Variants in RPS6KB2 observed in about 807,000 individuals in gnomAD.
RPS6KB2 encodes ribosomal protein S6 kinase beta-2.
A neutral mutation model predicts 58.2 loss-of-function variants in RPS6KB2; 51 were observed. That is an observed-to-expected ratio of 0.88 (90% CI 0.70 to 1.11). The LOEUF (loss-of-function observed/expected upper bound fraction) is 1.11. Ranked by LOEUF, RPS6KB2 falls within the 50% of genes least tolerant of loss-of-function variation. The probability of loss-of-function intolerance (pLI) is 0.00; values close to 1 mark genes in which losing one functional copy is unlikely to be tolerated. For synonymous variants in RPS6KB2, 293 were observed against 258.6 expected (o/e 1.13, Z -1.28); for missense variants, 671 against 655.8 (o/e 1.02, Z -0.25).
At position 67,432,855 on chromosome 11, in the gene RPS6KB2, GGCA is replaced by G; in HGVS notation, c.616+21_616+23del. 6.2e-7 allele frequency: 1 copy of G among 1,611,876 alleles called. No homozygotes were observed. The highest frequency in any genetic ancestry group is 8.5e-7 in the Non-Finnish European group (1 of 1,178,498). On this transcript the variant is annotated intron_variant, in intron 7 of 14. Coordinates refer to ENST00000312629, the MANE Select transcript of RPS6KB2 (RefSeq NM_003952.3). ...CAGCCAGGGTGCGCATGTGTGTGCG[GGCA>G]GCTGCAGGCGGGGTCTGCAATCTGT...
At chr11:67,434,323 G>A (rs747567398) in intron 12 of RPS6KB2, 48 bp downstream of exon 12, 2 of 1,610,462 alleles carry the variant, frequency 1.2e-6, no homozygotes, top group Admixed American at 1.7e-5. Context: ...GTGGCAAGTG[G>A]AGAACCTGCA....
At chr11:67,432,165 C>T in intron 5 of RPS6KB2, 1 of 381,912 alleles carries the variant, frequency 2.6e-6, no homozygotes. Context: ...TGCCTCCATG[C>T]TCTGCATTCG....
intron 4 of RPS6KB2, chr11:67,429,903 TC>T (rs1434158737): frequency 3.8e-6 from 1 of 265,964 alleles, no homozygotes; most frequent in Admixed American, 5.1e-5. Context: ...CACCTCTGTC[TC>T]CCAGGTTCAA....
rs752440186 is a variant in RPS6KB2, at chr11:67,434,274, T to G, written c.1046T>G (p.Leu349Arg). 5.0e-6 allele frequency: 8 copies of G among 1,613,272 alleles called. No individual in the cohort carries two copies. The highest frequency in any genetic ancestry group is 6.8e-6 in the Non-Finnish European group (8 of 1,179,934). Residue 349 changes from leucine (L) to arginine (R), a missense_variant and splice_region_variant, in exon 12 of 15, where the codon CTG becomes CGG. Leu to Arg is a moderately radical substitution (Grantham distance 102, BLOSUM62 -2). Coordinates refer to ENST00000312629, the MANE Select transcript of RPS6KB2 (RefSeq NM_003952.3). ...WRVDPPFRPC[L>R]QSEEDVSQFD... Reference sequence around the variant, plus strand: ...GTGGACCCCCCTTTCAGGCCCTGTCTGGTGAGCAGCAGGGCTGGTGGCCAG... The same window carrying G: ...GTGGACCCCCCTTTCAGGCCCTGTCGGGTGAGCAGCAGGGCTGGTGGCCAG...
At position 67,434,689 on chromosome 11, in the gene RPS6KB2, C is replaced by G. The variant is rs566682687; in HGVS notation, c.1263C>G (p.Pro421=). Residue 421 remains proline (P), a synonymous_variant, in exon 14 of 15, where the codon CCC becomes CCG. Transcript: ENST00000312629. The part of the protein sequence containing the change: ...PRRLNSSPRA[P]VSPLKFSPFE... ...GCCTCAACAGTAGCCCCCGGGCCCC[C>G]GTCAGGTACTGAGGGACGTGGGGGT... is the stretch of plus-strand genomic sequence containing the variant. The G allele has an allele frequency of 3.1e-6, 5 of 1,602,900 alleles. No individual in the cohort carries two copies. Among genetic ancestry groups the G allele is most frequent in the Non-Finnish European group, 4.3e-6 (5 of 1,175,286 alleles).
At chr11:67,431,809 CT>C in intron 5 of RPS6KB2, 1 of 373,716 alleles carries the variant, frequency 2.7e-6, no homozygotes, top group Non-Finnish European at 5.0e-6. Context: ...ACTCCCCTCC[CT>C]GTCTTGTTCT....
At chr11:67,434,784 T>C (rs1419683447) in intron 14 of RPS6KB2, 90 bp downstream of exon 14, 2 of 1,131,308 alleles carry the variant, frequency 1.8e-6, no homozygotes. Context: ...GCCACGTCTG[T>C]CGGCCAGTGT....
chr11:67,429,357 G>A (rs1199232330), intron 3 of RPS6KB2, 117 bp downstream of exon 3: 2 of 1,479,670 alleles, frequency 1.4e-6, no homozygotes, highest in African/African-American at 1.4e-5. Context: ...TTCAGAGCCA[G>A]AAACATAAAG....
chr11:67,434,745 G>A, intron 14 of RPS6KB2, 51 bp downstream of exon 14: 2 of 1,421,680 alleles, frequency 1.4e-6, no homozygotes, highest in Non-Finnish European at 1.9e-6. Flanking sequence ...CTGGCAGGCA[G>A]GATGCCAGCT....
intron 5 of RPS6KB2, 186 bp downstream of exon 5, chr11:67,431,701 G>A: frequency 3.4e-6 from 2 of 594,646 alleles, no homozygotes; most frequent in Non-Finnish European, 6.0e-6. Context: ...TTCAGCAAAC[G>A]TCTGTCCAGC....
rs1864193060 is a variant in RPS6KB2 at position 67,434,572 on chromosome 11, CG to C, written c.1156-9del. On this transcript the variant is annotated splice_polypyrimidine_tract_variant and intron_variant, in intron 13 of 14. Transcript: ENST00000312629. ...ACTGAGTGTCGCATGGCCCTGCCTC[CG>C]CCCCCCAGGGCTTCACATACGTGGC... 3 of 1,599,100 alleles carry C rather than the reference CG, an allele frequency of 1.9e-6. No homozygotes were observed. Among genetic ancestry groups the C allele is most frequent in the African/African-American group, 1.3e-5 (1 of 74,636 alleles).
Position 67,434,179 on chromosome 11 carries a change from G to C in RPS6KB2, c.970-19G>C. The C allele has an allele frequency of 1.4e-5, 23 of 1,614,008 alleles. No homozygotes were observed. The highest frequency in any genetic ancestry group is 1.9e-5 in the Non-Finnish European group (23 of 1,179,924). On this transcript the variant is annotated intron_variant, in intron 11 of 14. Coordinates refer to ENST00000312629, the MANE Select transcript of RPS6KB2 (RefSeq NM_003952.3). ...GCAGGGTGAGCTGTTAGTGGGTTTGGTGCATTCTCTACCTACAGAGACATC... is the reference window on the plus strand; with the variant it reads ...GCAGGGTGAGCTGTTAGTGGGTTTGCTGCATTCTCTACCTACAGAGACATC...
chr11:67,435,268 G>C lies in RPS6KB2; in HGVS notation c.*99G>C, dbSNP rs1280514659. 1 of 1,128,306 alleles carries C rather than the reference G, an allele frequency of 8.9e-7. No homozygotes were observed. Among genetic ancestry groups the C allele is most frequent in the Non-Finnish European group, 1.2e-6 (1 of 818,098 alleles). The allele number at this position is 1,128,306 out of a possible 1,614,324, so 69.9% of individuals were successfully genotyped here. On this transcript the variant is annotated 3_prime_UTR_variant, in exon 15 of 15. Transcript: ENST00000312629. ...GTTCCAGAGACCTGGGGGTGTGTCT[G>C]GGGGTGGGGTGTGAGTGCGTATGAA...
chr11:67,432,064 G>A (rs1465655068), intron 5 of RPS6KB2: 1 of 339,368 alleles, frequency 2.9e-6, no homozygotes, highest in Non-Finnish European at 5.8e-6. Context: ...CCCACATCAA[G>A]CCTTGCCCCT....
chr11:67,429,874 C>T (rs148015216), intron 4 of RPS6KB2: 215 of 301,384 alleles, frequency 7.1e-4, no homozygotes, highest in African/African-American at 4.0e-3. Flanking sequence ...AGTGCAGTGA[C>T]GCGATTTTGG....
Position 67,433,183 on chromosome 11 carries a change from G to A in RPS6KB2, c.765G>A (p.Leu255=), listed in dbSNP as rs1295356288. The change falls in exon 9 of 15, where the codon CTG becomes CTA. Residue 255 remains leucine (L), a synonymous_variant. Transcript: ENST00000312629. ...GHNRAVDWWS[L]GALMYDMLTG... is the part of the protein sequence containing the mutation. ...ACCGGGCTGTGGACTGGTGGAGCCT[G>A]GGGGCCCTGATGTACGACATGCTCA... The A allele has an allele frequency of 6.2e-7, 1 of 1,605,008 alleles. No individual in the cohort carries two copies. The highest frequency in any genetic ancestry group is 1.3e-5 in the African/African-American group (1 of 74,936).
At chr11:67,434,104 GC>G in intron 11 of RPS6KB2, 47 bp downstream of exon 11, 1 of 1,612,880 alleles carries the variant, frequency 6.2e-7, no homozygotes, top group Non-Finnish European at 8.5e-7. Context: ...CTCCAAGGGT[GC>G]CGGGAATGGG....
In RPS6KB2 at chr11:67,434,054, G is replaced by T. The variant is rs1193528500; in HGVS notation, c.966G>T (p.Val322=). Residue 322 remains valine, a synonymous_variant, in exon 11 of 15, where the codon GTG becomes GTT. Coordinates refer to ENST00000312629, the MANE Select transcript of RPS6KB2 (RefSeq NM_003952.3). ...IGGGPGDAAD[V]QRHPFFRHMN... ...GTGGCCCAGGGGATGCTGCTGATGT[G>T]CAGGTGGGTTTGGGACCACCACCAG... 1.2e-6 allele frequency: 2 copies of T among 1,614,130 alleles called. No individual in the cohort carries two copies. Among genetic ancestry groups the T allele is most frequent in the African/African-American group, 2.7e-5 (2 of 75,066 alleles).
rs1301194107 is a variant in RPS6KB2, at chr11:67,434,059, T to A, written c.969+2T>A. ...CCAGGGGATGCTGCTGATGTGCAGG[T>A]GGGTTTGGGACCACCACCAGGGGTA... On this transcript the variant is annotated splice_donor_variant, in intron 11 of 14. Transcript: ENST00000312629. LOFTEE classifies it high-confidence loss of function. 6.2e-7 allele frequency: 1 copy of A among 1,613,826 alleles called. No homozygotes were observed. Among genetic ancestry groups the A allele is most frequent in the Non-Finnish European group, 8.5e-7 (1 of 1,179,954 alleles).
Sources: allele counts gnomAD v4.1 joint callset, GRCh38; gene constraint gnomAD v4.1.1; transcripts MANE v1.5; gene names NCBI Gene and HGNC (gene_info 2026-07-23, HGNC 2026-07-21).